The following STAT5A variants were observed in gnomAD, a reference collection of about 807,000 sequenced individuals.
STAT5A encodes signal transducer and activator of transcription 5A.
In STAT5A, 26 loss-of-function variants were observed where a neutral mutation model predicts 100.2. The observed-to-expected ratio is 0.26, with a 90% CI of 0.19 to 0.36. The LOEUF (loss-of-function observed/expected upper bound fraction) is 0.36. STAT5A is among the 10% of genes least tolerant of loss of function. STAT5A has a pLI of 1.00. For synonymous variants in STAT5A, 330 were observed against 424.3 expected (o/e 0.78, Z 2.73); for missense variants, 634 against 1,027.5 (o/e 0.62, Z 5.24).
At chr17:42,305,520 A>G (rs547275465) in intron 11 of STAT5A, 90 bp from the exon 12 acceptor site, 11 of 1,124,166 alleles carry the variant, frequency 9.8e-6, no homozygotes, top group African/African-American at 1.6e-5. Context: ...AAAATACATA[A>G]AAAAAAATAA....
chr17:42,295,748 C>T lies in STAT5A; in HGVS notation c.505C>T (p.Gln169Ter). The change falls in exon 5 of 19, where the codon CAG (glutamine) becomes TAG (stop). Residue 169 changes from glutamine to a stop codon, truncating the protein, a stop_gained. Coordinates refer to ENST00000590949, the MANE Select transcript of STAT5A (RefSeq NM_001288718.2). LOFTEE classifies it high-confidence loss of function. ...ENELKKLQQT[Q>*]EYFIIQYQES... ...TGAGCTGAAGAAACTGCAGCAGACTCAGGAGTACTTCATCATCCAGTACCA... is the reference window on the plus strand; with the variant it reads ...TGAGCTGAAGAAACTGCAGCAGACTTAGGAGTACTTCATCATCCAGTACCA... 6.2e-7 allele frequency: 1 copy of T among 1,614,012 alleles called. No individual in the cohort carries two copies. The highest frequency in any genetic ancestry group is 1.1e-5 in the South Asian group (1 of 91,030).
chr17:42,308,213 A>G lies in STAT5A; in HGVS notation c.1942A>G (p.Thr648Ala). The change falls in exon 16 of 19, where the codon ACG becomes GCG. Residue 648 changes from threonine to alanine, a missense_variant. By Grantham distance (58) the Thr-to-Ala change is moderately conservative (BLOSUM62 0). Around this residue, in one of 5 missense-constraint regions of STAT5A, gnomAD observed 210 missense variants for 428.4 expected, o/e 0.49. Transcript: ENST00000590949. The surrounding 1 kb of genome is among the most constrained non-coding windows in gnomAD (Gnocchi z 4.6). ...RNLWNLKPFT[T>A]RDFSIRSLAD... ...CCTGTGGAACCTGAAACCATTCACCACGCGGGATTTCTCCATCAGGTCCCT... is the reference window on the plus strand; with the variant it reads ...CCTGTGGAACCTGAAACCATTCACCGCGCGGGATTTCTCCATCAGGTCCCT... The G allele has an allele frequency of 6.2e-7, 1 of 1,614,206 alleles. No individual in the cohort carries two copies. Among genetic ancestry groups the G allele is most frequent in the South Asian group, 1.1e-5 (1 of 91,086 alleles).
chr17:42,300,875 C>T lies in STAT5A; in HGVS notation c.989+5C>T. ...TATCTCAGCCCTGGTGACCAGGTGA[C>T]TGCTGCCTGTTTGCCATGCCCAGGA... On this transcript the variant is annotated splice_donor_5th_base_variant and intron_variant, in intron 8 of 18. Coordinates refer to ENST00000590949, the MANE Select transcript of STAT5A (RefSeq NM_001288718.2). The T allele has an allele frequency of 1.9e-6, 3 of 1,611,206 alleles. No individual in the cohort carries two copies. The highest frequency in any genetic ancestry group is 2.2e-5 in the South Asian group (2 of 90,726).
chr17:42,309,115 C>T lies in STAT5A; in HGVS notation c.2114+17C>T, dbSNP rs1288254415. 2.5e-6 allele frequency: 4 copies of T among 1,613,676 alleles called. No homozygotes were observed. The highest frequency in any genetic ancestry group is 8.5e-7 in the Non-Finnish European group (1 of 1,180,010). ...GGTCCCTGAGTAAGTGTCCAGGTGG[C>T]TGTGGCTCTCCTTCTGCCTCTTTCC... On this transcript the variant is annotated intron_variant, in intron 17 of 18. Coordinates refer to ENST00000590949, the MANE Select transcript of STAT5A (RefSeq NM_001288718.2).
Position 42,310,681 on chromosome 17 carries a change from C to T in STAT5A, c.*12C>T. ...GCTCCCTCTCATGAATGTTTGAATCCCACGCTTCTCTTTGGAAACAATATG... is the reference window on the plus strand; with the variant it reads ...GCTCCCTCTCATGAATGTTTGAATCTCACGCTTCTCTTTGGAAACAATATG... On this transcript the variant is annotated 3_prime_UTR_variant, in exon 19 of 19. Transcript: ENST00000590949. 6.2e-7 allele frequency: 1 copy of T among 1,613,880 alleles called. No homozygotes were observed. Among genetic ancestry groups the T allele is most frequent in the Non-Finnish European group, 8.5e-7 (1 of 1,179,846 alleles).
chr17:42,294,022 C>A (rs180683863), intron 4 of STAT5A, among the ~76,000 whole-genome samples: 1 of 152,120 alleles, frequency 6.6e-6, no homozygotes, highest in African/African-American at 2.4e-5. Context: ...CGAGACCAGC[C>A]TGGCCAACAT....
intron 17 of STAT5A, 76 bp from the exon 18 acceptor site, chr17:42,309,301 T>A: frequency 6.4e-7 from 1 of 1,559,388 alleles, no homozygotes; most frequent in Non-Finnish European, 8.8e-7. Context: ...AAGACAAACA[T>A]GCCCCTCGGT....
At chr17:42,300,480 G>T (rs879126044) in intron 7 of STAT5A, among the ~76,000 whole-genome samples, 199 bp downstream of exon 7, 2 of 152,180 alleles carry the variant, frequency 1.3e-5, no homozygotes, top group African/African-American at 4.8e-5. Context: ...GCTGTCCTGG[G>T]GGTGGGATGG....
intron 12 of STAT5A, chr17:42,306,017 C>T: frequency 1.4e-6 from 1 of 722,804 alleles, no homozygotes. Flanking sequence ...GCATCTCTGT[C>T]CCTGCATGCC....
At chr17:42,290,064 T>C in intron 3 of STAT5A, 42 bp downstream of exon 3, 2 of 1,556,696 alleles carry the variant, frequency 1.3e-6, no homozygotes, top group Non-Finnish European at 8.7e-7. Context: ...GGAAGCATCA[T>C]CTTGTTCCAG....
chr17:42,307,767 T>C (rs1438501284), intron 15 of STAT5A, 44 bp downstream of exon 15: 1 of 1,597,204 alleles, frequency 6.3e-7, no homozygotes, highest in East Asian at 2.2e-5. Flanking sequence ...AGGCCCGGTC[T>C]CTTGTTCCCT....
intron 3 of STAT5A, 86 bp from the exon 4 acceptor site, chr17:42,291,886 G>A: frequency 6.9e-7 from 1 of 1,444,552 alleles, no homozygotes; most frequent in Non-Finnish European, 9.6e-7. Flanking sequence ...GGCAGAGGCT[G>A]AAGGAGAGGA....
In STAT5A at chr17:42,301,375, A is replaced by G. The variant is rs1383250187; in HGVS notation, c.1090A>G (p.Met364Val). Residue 364 changes from methionine to valine, a missense_variant, in exon 9 of 19, where the codon ATG (methionine) becomes GTG (valine). Physicochemically the swap from Met to Val is conservative, Grantham distance 21 (BLOSUM62 1). Coordinates refer to ENST00000590949, the MANE Select transcript of STAT5A (RefSeq NM_001288718.2). ...GGTGGGCGGGAAGCTGAACGTGCAC[A>G]TGAATCCCCCCCAGGTGAAGGCCAC... The part of the protein sequence containing the change: ...LLVGGKLNVH[M>V]NPPQVKATII... 6.2e-7 allele frequency: 1 copy of G among 1,614,140 alleles called. No individual in the cohort carries two copies. Among genetic ancestry groups the G allele is most frequent in the South Asian group, 1.1e-5 (1 of 91,078 alleles).
chr17:42,294,336 T>C (rs898821155), intron 4 of STAT5A, among the ~76,000 whole-genome samples: 11 of 152,178 alleles, frequency 7.2e-5, no homozygotes, highest in Admixed American at 2.6e-4. Context: ...TTCAGCCTCA[T>C]TGACAAATCC....
At chr17:42,309,217 G>A (rs1038476647) in intron 17 of STAT5A, 119 bp downstream of exon 17, 1 of 1,581,102 alleles carries the variant, frequency 6.3e-7, no homozygotes, top group Admixed American at 1.7e-5. Context: ...TCTCAGCCCT[G>A]GGGAGGGAGT....
chr17:42,300,907 G>A (rs1343307004), intron 8 of STAT5A, 37 bp downstream of exon 8: 4 of 1,609,784 alleles, frequency 2.5e-6, no homozygotes, highest in Non-Finnish European at 2.5e-6. Context: ...AGGAGCTTGG[G>A]GCAGCTCCTG....
intron 11 of STAT5A, among the ~76,000 whole-genome samples, chr17:42,305,030 C>T (rs910806550): frequency 2.0e-5 from 3 of 151,728 alleles, no homozygotes; most frequent in African/African-American, 4.8e-5. Flanking sequence ...AGTGAGAACC[C>T]GTATCTACAA....
At position 42,310,896 on chromosome 17, in the gene STAT5A, C is replaced by A; in HGVS notation, c.*227C>A. ...TTTCAGATCATGGCATCCAAGAGTGCGCCGAGTCTGTCTCTGTCATGGTAG... is the reference window on the plus strand; with the variant it reads ...TTTCAGATCATGGCATCCAAGAGTGAGCCGAGTCTGTCTCTGTCATGGTAG... On this transcript the variant is annotated 3_prime_UTR_variant, in exon 19 of 19. Transcript: ENST00000590949. The A allele has an allele frequency of 1.5e-6, 1 of 682,630 alleles. No homozygotes were observed. The highest frequency in any genetic ancestry group is 2.4e-6 in the Non-Finnish European group (1 of 419,962). The allele number at this position is 682,630 out of a possible 1,614,324, so 42.3% of individuals were successfully genotyped here. A position where few individuals can be genotyped will look rare whatever the true frequency, so the allele number is the denominator to read the frequency against.
chr17:42,308,212 C>T lies in STAT5A; in HGVS notation c.1941C>T (p.Thr647=). The stretch of plus-strand genomic sequence containing the variant: ...ACCTGTGGAACCTGAAACCATTCAC[C>T]ACGCGGGATTTCTCCATCAGGTCCC... ...ERNLWNLKPF[T]TRDFSIRSLA... The change falls in exon 16 of 19, where the codon ACC becomes ACT. Residue 647 remains threonine, a synonymous_variant. Transcript: ENST00000590949. The surrounding 1 kb of genome is among the most constrained non-coding windows in gnomAD (Gnocchi z 4.6). The T allele has an allele frequency of 1.9e-6, 3 of 1,614,242 alleles. No individual in the cohort carries two copies. The highest frequency in any genetic ancestry group is 2.5e-6 in the Non-Finnish European group (3 of 1,180,046).
Sources: allele counts gnomAD v4.1 joint callset (sites outside exome capture counted in the v4.1 genomes callset), GRCh38; gene constraint gnomAD v4.1.1; regional missense constraint gnomAD v4.1.1; non-coding constraint Gnocchi (gnomAD v3.1); transcripts MANE v1.5; gene names NCBI Gene and HGNC (gene_info 2026-07-23, HGNC 2026-07-21).